The following USP54 variants were observed in gnomAD, a reference collection of about 807,000 sequenced individuals.
USP54 encodes the protein ubiquitin carboxyl-terminal hydrolase 54.
Under a neutral mutation model 170.5 loss-of-function variants are expected in USP54, and 87 were observed. That is an observed-to-expected ratio of 0.51 (90% CI 0.43 to 0.61). The LOEUF (loss-of-function observed/expected upper bound fraction) is 0.61. Ranked by LOEUF, USP54 falls within the 20% of genes least tolerant of loss-of-function variation. The probability of loss-of-function intolerance (pLI) is 0.00; values close to 1 mark genes in which losing one functional copy is unlikely to be tolerated. For missense variants in USP54, 1,786 were observed against 2,047.8 expected (o/e 0.87, Z 2.47); for synonymous variants, 655 against 742.8 (o/e 0.88, Z 1.92).
At chr10:73,542,974 T>G (rs1254157821) in intron 6 of USP54, 44 bp downstream of exon 6, 3 of 1,609,014 alleles carry the variant, frequency 1.9e-6, no homozygotes, top group Admixed American at 1.7e-5. Context: ...CAGGATAAAG[T>G]GTTCTGGAAG....
chr10:73,579,582 C>G (rs1054404850), intron 1 of USP54, among the ~76,000 whole-genome samples: 1 of 151,872 alleles, frequency 6.6e-6, no homozygotes, highest in Non-Finnish European at 1.5e-5. Context: ...TGGTGAAACC[C>G]CATCTCTATT....
Position 73,530,320 on chromosome 10 carries a change from G to T in USP54, c.1651C>A (p.His551Asn), listed in dbSNP as rs2063732782. The T allele has an allele frequency of 6.2e-7, 1 of 1,614,014 alleles. No homozygotes were observed. The highest frequency in any genetic ancestry group is 1.7e-5 in the Admixed American group (1 of 60,006). ...DKKPPRTLPL[H>N]SRDWEIESTS... ...CTCTCTATTTCCCAGTCACGAGAGT[G>T]TAAAGGCAGGGTCCTAGGAGGTTTT... Residue 551 changes from histidine (H) to asparagine (N), a missense_variant, in exon 14 of 24, where the codon CAC becomes AAC. Transcript: ENST00000687698.
At chr10:73,580,905 C>G (rs1283424993) in intron 1 of USP54, among the ~76,000 whole-genome samples, 1 of 152,096 alleles carries the variant, frequency 6.6e-6, no homozygotes, top group East Asian at 1.9e-4. Flanking sequence ...CAGTAACATC[C>G]TATACAGGTT....
chr10:73,511,186 C>T (rs369396538), intron 20 of USP54, among the ~76,000 whole-genome samples: 2 of 149,550 alleles, frequency 1.3e-5, no homozygotes, highest in African/African-American at 4.9e-5. Flanking sequence ...GCAACCTCTG[C>T]CTCCTGGGTT....
chr10:73,530,820 C>G lies in USP54; in HGVS notation c.1331G>C (p.Ser444Thr). 4 of 1,613,972 alleles carry G rather than the reference C, an allele frequency of 2.5e-6. No homozygotes were observed. Among genetic ancestry groups the G allele is most frequent in the Non-Finnish European group, 3.4e-6 (4 of 1,179,922 alleles). Residue 444 changes from serine (S) to threonine (T), a missense_variant, in exon 13 of 24, where the codon AGT (serine) becomes ACT (threonine). Around this residue, in one of 3 missense-constraint regions of USP54, gnomAD observed 1,418 missense variants for 1,569.0 expected, o/e 0.90. Transcript: ENST00000687698. ...SSRDTGHLTDSECNQKHTSKK... is the reference protein window; with the variant it reads ...SSRDTGHLTDTECNQKHTSKK... ...GGATGTGTGTTTCTGATTACATTCACTATCAGTCAGGTGTCCTGAAAAAAC... is the reference window on the plus strand; with the variant it reads ...GGATGTGTGTTTCTGATTACATTCAGTATCAGTCAGGTGTCCTGAAAAAAC...
intron 1 of USP54, among the ~76,000 whole-genome samples, chr10:73,615,857 C>T (rs1468699333): frequency 1.4e-5 from 2 of 141,510 alleles, no homozygotes; most frequent in African/African-American, 2.8e-5. Context: ...GAAATTGAGG[C>T]TGTAGTGAGC....
At chr10:73,546,908 C>T (rs1267575708) in intron 4 of USP54, among the ~76,000 whole-genome samples, 4 of 152,094 alleles carry the variant, frequency 2.6e-5, no homozygotes, top group Non-Finnish European at 5.9e-5. Flanking sequence ...AAAATTTCCC[C>T]ATATTCTTGT....
chr10:73,575,348 G>A (rs956064510), intron 3 of USP54, among the ~76,000 whole-genome samples, 164 bp downstream of exon 3: 1 of 152,080 alleles, frequency 6.6e-6, no homozygotes, highest in African/African-American at 2.4e-5. Flanking sequence ...GATTCAAAGA[G>A]ATAAAGTGAC....
At position 73,521,008 on chromosome 10, in the gene USP54, C is replaced by CT. The variant is rs775217177; in HGVS notation, c.2381dup (p.Arg795GlufsTer11). The CT allele has an allele frequency of 6.2e-7, 1 of 1,614,030 alleles. No homozygotes were observed. Among genetic ancestry groups the CT allele is most frequent in the Non-Finnish European group, 8.5e-7 (1 of 1,180,052 alleles). On this transcript the variant is annotated frameshift_variant, in exon 18 of 24. Coordinates refer to ENST00000687698, the MANE Select transcript of USP54 (RefSeq NM_001391956.1). LOFTEE classifies it high-confidence loss of function. Reference sequence around the variant, plus strand: ...CTGACTCTGCCTCTTGCAGGGACCTCTCAAAGCCGTCACTCCTCCCTGAAA... The same window carrying CT: ...CTGACTCTGCCTCTTGCAGGGACCTCTTCAAAGCCGTCACTCCTCCCTGAAA...
At chr10:73,570,424 A>G (rs1169782620) in intron 4 of USP54, among the ~76,000 whole-genome samples, 1 of 151,676 alleles carries the variant, frequency 6.6e-6, no homozygotes, top group Admixed American at 6.6e-5. Flanking sequence ...AAAAACAGAA[A>G]TGAAAAACTT....
rs1231398190 is a variant in USP54 at position 73,620,165 on chromosome 10, T to C, written c.-18+5402A>G. On this transcript the variant is annotated intron_variant, in intron 1 of 22. Coordinates refer to the USP54 transcript ENST00000339859. ...CTGTCTCTACTGAAAATACAATAAT[T>C]AGCTGGGCGTGGTGGCGGGCGCCTG... is the stretch of plus-strand genomic sequence containing the variant. Among the ~76,000 whole-genome samples, 5 of 149,824 alleles carry C rather than the reference T, an allele frequency of 3.3e-5. 1 individual carries two copies. Among genetic ancestry groups the C allele is most frequent in the African/African-American group, 7.6e-5 (3 of 39,348 alleles).
At position 73,573,688 on chromosome 10, in the gene USP54, C is replaced by T. The variant is rs184387960; in HGVS notation, c.147+1824G>A. ...GCTAAGGCAGGAGAATCGCTTGAAC[C>T]CAAGAGGCGGAGGTGGCAGTGAGCT... On this transcript the variant is annotated intron_variant, in intron 3 of 23. Transcript: ENST00000687698. Among the ~76,000 whole-genome samples the T allele has an allele frequency of 5.3e-4, 80 of 152,264 alleles. 1 individual carries two copies. Among genetic ancestry groups the T allele is most frequent in the African/African-American group, 1.7e-3 (70 of 41,544 alleles).
chr10:73,608,111 T>C (rs2079826894), intron 1 of USP54, among the ~76,000 whole-genome samples: 2 of 151,516 alleles, frequency 1.3e-5, no homozygotes, highest in Non-Finnish European at 2.9e-5. Flanking sequence ...AATACAAAAA[T>C]TAGCCGGGCA....
chr10:73,575,840 C>T lies in USP54; in HGVS notation c.-60G>A. 1 of 608,546 alleles carries T rather than the reference C, an allele frequency of 1.6e-6. No homozygotes were observed. The allele number at this position is 608,546 out of a possible 1,614,324, so 37.7% of individuals were successfully genotyped here. A position where few individuals can be genotyped will look rare whatever the true frequency, so the allele number is the denominator to read the frequency against. On this transcript the variant is annotated 5_prime_UTR_variant, in exon 2 of 24. Coordinates refer to ENST00000687698, the MANE Select transcript of USP54 (RefSeq NM_001391956.1). The stretch of plus-strand genomic sequence containing the variant: ...TGTAGTCAAGGGACTCAGGTATCCT[C>T]CTAGATCAAGATGACAGAGCCCTCC...
rs931778033 is a variant in USP54 at position 73,527,498 on chromosome 10, C to CAA, written c.2061-720_2061-719dup. Among the ~76,000 whole-genome samples, 150 of 51,974 alleles carry CAA rather than the reference C, an allele frequency of 2.9e-3. 3 individuals are homozygous for CAA. The highest frequency in any genetic ancestry group is 7.8e-3 in the African/African-American group (107 of 13,698). 34.1% of individuals were successfully genotyped at this position (51,974 alleles called of 152,430 possible). A position where few individuals can be genotyped will look rare whatever the true frequency, so the allele number is the denominator to read the frequency against. On this transcript the variant is annotated intron_variant, in intron 15 of 23. Coordinates refer to ENST00000687698, the MANE Select transcript of USP54 (RefSeq NM_001391956.1). ...GGTGACAGAGCGAGACACTCCATCT[C>CAA]AAAAAAAAAAAAAAAAAAAAGAAAA... is the stretch of plus-strand genomic sequence containing the variant.
chr10:73,538,655 A>C (rs963987094), intron 10 of USP54, among the ~76,000 whole-genome samples: 1 of 151,960 alleles, frequency 6.6e-6, no homozygotes, highest in Admixed American at 6.6e-5. Context: ...AAAACAAAAA[A>C]TTTTAACTAG....
intron 10 of USP54, among the ~76,000 whole-genome samples, chr10:73,539,006 C>G (rs937785761): frequency 6.6e-6 from 1 of 152,012 alleles, no homozygotes; most frequent in African/African-American, 2.4e-5. Context: ...ATACGCCGGG[C>G]ACAGTGGCTC....
In USP54 at chr10:73,559,289, G is replaced by A. The variant is rs1422771169; in HGVS notation, c.240+12132C>T. Among the ~76,000 whole-genome samples the A allele has an allele frequency of 9.9e-5, 15 of 151,260 alleles. No individual in the cohort carries two copies. In the East Asian group the frequency reaches 2.7e-3, roughly 27 times the overall value. On this transcript the variant is annotated intron_variant, in intron 4 of 23. Transcript: ENST00000687698. ...TACAAAAAATTAGTAGGCTGGGCGCGGTGGCTCACACCTGTAATCCCAGCA... is the reference window on the plus strand; with the variant it reads ...TACAAAAAATTAGTAGGCTGGGCGCAGTGGCTCACACCTGTAATCCCAGCA...
intron 1 of USP54, among the ~76,000 whole-genome samples, chr10:73,583,308 A>G (rs890035760): frequency 6.6e-6 from 1 of 152,244 alleles, no homozygotes; most frequent in East Asian, 1.9e-4. Flanking sequence ...TTTTTGAAAC[A>G]AAGTTTCTCA....
Sources: allele counts gnomAD v4.1 joint callset (sites outside exome capture counted in the v4.1 genomes callset), GRCh38; gene constraint gnomAD v4.1.1; regional missense constraint gnomAD v4.1.1; transcripts MANE v1.5; gene names NCBI Gene and HGNC (gene_info 2026-07-23, HGNC 2026-07-21).